HSPA12A: variants seen among roughly 807,000 people sequenced by gnomAD.
HSPA12A encodes the protein heat shock protein family A (Hsp70) member 12A, also known as heat shock 70 kDa protein 12A.
A neutral mutation model predicts 69.2 loss-of-function variants in HSPA12A; 28 were observed. That is an observed-to-expected ratio of 0.40 (90% CI 0.30 to 0.55). The LOEUF is 0.55. Among genes scored for constraint, HSPA12A ranks in the 20% least tolerant of loss-of-function variants. HSPA12A has a pLI of 0.38. For synonymous variants in HSPA12A, 345 were observed against 370.5 expected (o/e 0.93, Z 0.79); for missense variants, 686 against 900.7 (o/e 0.76, Z 3.05).
At chr10:116,740,989 A>G (rs1554887041) in intron 1 of HSPA12A, among the ~76,000 whole-genome samples, 1 of 121,090 alleles carries the variant, frequency 8.3e-6, no homozygotes, top group African/African-American at 3.1e-5. Flanking sequence ...AAAAAAAAAG[A>G]GTCAATCCAG....
At chr10:116,783,249 C>T (rs1394291829) in intron 2 of HSPA12A, among the ~76,000 whole-genome samples, 3 of 152,126 alleles carry the variant, frequency 2.0e-5, no homozygotes, top group African/African-American at 4.8e-5. Flanking sequence ...TCAGGAGAGG[C>T]TTTGATGAGG....
At position 116,681,866 on chromosome 10, in the gene HSPA12A, T is replaced by C. The variant is rs1364481353; in HGVS notation, c.847A>G (p.Ile283Val). The C allele has an allele frequency of 1.9e-6, 3 of 1,614,062 alleles. No individual in the cohort carries two copies. The highest frequency in any genetic ancestry group is 2.5e-6 in the Non-Finnish European group (3 of 1,180,004). ...GAGFTQAKEH[I>V]RRNRQSRTFL... ...GTCCGACTCTGCCGATTACGCCGTA[T>C]GTGTTCCTTAGCTAGTGGCCGACAG... The change falls in exon 8 of 12, where the codon ATA becomes GTA. Residue 283 changes from isoleucine (I) to valine (V), a missense_variant. By Grantham distance (29) the Ile-to-Val change is conservative. Transcript: ENST00000369209.
chr10:116,766,253 G>A (rs1362168172), intron 2 of HSPA12A, among the ~76,000 whole-genome samples: 1 of 152,136 alleles, frequency 6.6e-6, no homozygotes, highest in East Asian at 1.9e-4. Flanking sequence ...TGGTTAGGAT[G>A]ACCAATTCAT....
chr10:116,761,660 G>A lies in HSPA12A; in HGVS notation c.92-54375C>T, dbSNP rs140462005. On this transcript the variant is annotated intron_variant, in intron 2 of 12. Transcript: ENST00000635765. Reference sequence around the variant, plus strand: ...TAGCTTGAGCCCAGGAGCAGAGATCGTACCACTGGACTCCAGCCTCGGTGA... The same window carrying A: ...TAGCTTGAGCCCAGGAGCAGAGATCATACCACTGGACTCCAGCCTCGGTGA... Among the ~76,000 whole-genome samples the A allele has an allele frequency of 2.8e-3, 425 of 152,014 alleles. 2 individuals are homozygous for A. Among genetic ancestry groups the A allele is most frequent in the African/African-American group, 9.6e-3 (398 of 41,490 alleles).
At chr10:116,693,927 A>AT (rs1376185274) in intron 5 of HSPA12A, among the ~76,000 whole-genome samples, 11 of 152,308 alleles carry the variant, frequency 7.2e-5, no homozygotes, top group Non-Finnish European at 1.2e-4. Flanking sequence ...CAAAGCAGCC[A>AT]TTTTTTTATC....
At chr10:116,742,580 G>C (rs1378226216), upstream of HSPA12A, 24 of 1,135,722 alleles carry the variant, frequency 2.1e-5, 1 homozygote, top group Admixed American at 2.4e-4. Flanking sequence ...CCGCCGGGCA[G>C]CGGGAGCGCT....
chr10:116,744,423 T>C (rs1851602157), upstream of HSPA12A, among the ~76,000 whole-genome samples: 1 of 152,198 alleles, frequency 6.6e-6, no homozygotes, highest in African/African-American at 2.4e-5. Context: ...CTTGACAGCC[T>C]GTCAGAAGCA....
chr10:116,738,257 C>T (rs553636097), intron 1 of HSPA12A, among the ~76,000 whole-genome samples: 2 of 152,300 alleles, frequency 1.3e-5, no homozygotes, highest in South Asian at 2.1e-4. Context: ...TTTCCAGGAG[C>T]ACCACTGCGG....
chr10:116,781,687 C>T (rs1439500066), intron 2 of HSPA12A, among the ~76,000 whole-genome samples: 2 of 152,204 alleles, frequency 1.3e-5, no homozygotes, highest in East Asian at 3.9e-4. Context: ...CTCTCTCCTT[C>T]ATTCTCTTGC....
chr10:116,796,160 A>AAG (rs1554893381), intron 2 of HSPA12A, among the ~76,000 whole-genome samples: 2 of 148,888 alleles, frequency 1.3e-5, no homozygotes, highest in African/African-American at 2.6e-5. Context: ...AAAAAAAAAA[A>AAG]AAAAAAGAAA....
chr10:116,756,147 AGGTTTCCC>A (rs1843844938), intron 2 of HSPA12A, among the ~76,000 whole-genome samples: 4 of 152,142 alleles, frequency 2.6e-5, no homozygotes, highest in Non-Finnish European at 4.4e-5. Context: ...TGCCATTTCC[AGGTTTCCC>A]TTAAGGCTTT....
Position 116,674,828 on chromosome 10 carries a change from C to T in HSPA12A, c.1981G>A (p.Ala661Thr), listed in dbSNP as rs1554877294. ...CCAACTTTGACACTCTTCGAAGTGG[C>T]TATATCAATGGCTGTGGCTTTGATC... ...TEIKATAIDI[A>T]TSKSVKVGID... Residue 661 changes from alanine (A) to threonine (T), a missense_variant, in exon 12 of 12, where the codon GCC (alanine) becomes ACC (threonine). Coordinates refer to ENST00000369209, the MANE Select transcript of HSPA12A (RefSeq NM_025015.3). The T allele has an allele frequency of 6.2e-7, 1 of 1,613,264 alleles. No individual in the cohort carries two copies. Among genetic ancestry groups the T allele is most frequent in the Admixed American group, 1.7e-5 (1 of 59,986 alleles).
At chr10:116,709,788 C>T (rs116976634) in intron 1 of HSPA12A, among the ~76,000 whole-genome samples, 2,249 of 152,158 alleles carry the variant, frequency 0.015, 37 homozygotes, top group Non-Finnish European at 0.023. Context: ...GATGGTTGCA[C>T]AACATTGTGA....
At chr10:116,801,399 T>C (rs1161007766) in intron 2 of HSPA12A, among the ~76,000 whole-genome samples, 1 of 152,214 alleles carries the variant, frequency 6.6e-6, no homozygotes, top group Non-Finnish European at 1.5e-5. Flanking sequence ...CTTTGGGTTT[T>C]CATTTTAATC....
intron 1 of HSPA12A, among the ~76,000 whole-genome samples, chr10:116,733,427 A>G (rs1325470429): frequency 6.6e-6 from 1 of 152,220 alleles, no homozygotes; most frequent in Non-Finnish European, 1.5e-5. Flanking sequence ...TCCTCATCAC[A>G]GAGAAACCAA....
intron 2 of HSPA12A, among the ~76,000 whole-genome samples, chr10:116,826,353 A>C (rs1183753432): frequency 6.6e-6 from 1 of 152,220 alleles, no homozygotes; most frequent in Non-Finnish European, 1.5e-5. Context: ...AGAACTTATC[A>C]ATGTGCCTGG....
At chr10:116,706,531 C>T (rs1014246) in intron 2 of HSPA12A, among the ~76,000 whole-genome samples, 53,850 of 152,042 alleles carry the variant, frequency 0.35, 10,537 homozygotes, top group African/African-American at 0.52. Flanking sequence ...GCAGTTCTCC[C>T]TGGGTCTTCT....
chr10:116,701,127 C>T lies in HSPA12A; in HGVS notation c.257G>A (p.Arg86Gln), dbSNP rs1243832385. ...CACACCAGGGTCACCTCCCTCCCAT[C>T]GCCTGCCACCAAGGGAAGCAGAAGT... Reference protein sequence around the residue: ...KEPECIHVMRRWEGGDPGVSN... With the variant: ...KEPECIHVMRQWEGGDPGVSN... Residue 86 changes from arginine (R) to glutamine (Q), a missense_variant and splice_region_variant, in exon 4 of 12, where the codon CGA (arginine) becomes CAA (glutamine). By Grantham distance (43) the Arg-to-Gln change is conservative. Coordinates refer to ENST00000369209, the MANE Select transcript of HSPA12A (RefSeq NM_025015.3). 7 of 1,613,108 alleles carry T rather than the reference C, an allele frequency of 4.3e-6. No individual in the cohort carries two copies. Among genetic ancestry groups the T allele is most frequent in the Admixed American group, 3.3e-5 (2 of 59,764 alleles).
chr10:116,834,702 C>T (rs1589732545), intron 2 of HSPA12A, among the ~76,000 whole-genome samples: 2 of 152,236 alleles, frequency 1.3e-5, no homozygotes, highest in Admixed American at 6.5e-5. Context: ...AGGTGGGAAA[C>T]GAATTTGTTT....
Sources: allele counts gnomAD v4.1 joint callset (sites outside exome capture counted in the v4.1 genomes callset), GRCh38; gene constraint gnomAD v4.1.1; transcripts MANE v1.5; gene names NCBI Gene and HGNC (gene_info 2026-07-23, HGNC 2026-07-21).